Variants in VAV2 observed in about 807,000 individuals in gnomAD.
VAV2 encodes the protein vav guanine nucleotide exchange factor 2, also known as guanine nucleotide exchange factor VAV2.
In VAV2, 67 loss-of-function variants were observed where a neutral mutation model predicts 132.5. The observed-to-expected ratio is 0.51, with a 90% confidence interval of 0.42 to 0.62. The LOEUF (loss-of-function observed/expected upper bound fraction) is 0.62. Among genes scored for constraint, VAV2 ranks in the 20% least tolerant of loss-of-function variants. The probability of loss-of-function intolerance (pLI) is 0.00; values close to 1 mark genes in which losing one functional copy is unlikely to be tolerated. For synonymous variants in VAV2, 492 were observed against 443.5 expected, an observed-to-expected ratio of 1.11 and a Z score of -1.37; for missense variants, 938 against 1,153.6, an observed-to-expected ratio of 0.81 and a Z score of 2.71.
intron 2 of VAV2, among the ~76,000 whole-genome samples, chr9:133,923,115 G>A (rs1840353870): frequency 6.6e-6 from 1 of 152,124 alleles, no homozygotes; most frequent in South Asian, 2.1e-4. Context: ...CTAATCATTC[G>A]GGGATACAAA....
At chr9:133,791,679 G>A in intron 13 of VAV2, 104 bp downstream of exon 13, 1 of 983,546 alleles carries the variant, frequency 1.0e-6, no homozygotes, top group Non-Finnish European at 1.6e-6. Context: ...AGGCAGCCAT[G>A]GTGTGGCTGC....
chr9:133,815,121 T>A (rs545054990), intron 4 of VAV2, among the ~76,000 whole-genome samples: 3 of 152,082 alleles, frequency 2.0e-5, no homozygotes, highest in South Asian at 4.2e-4. Flanking sequence ...CCTGAACAGA[T>A]GAGACTCGAA....
intron 2 of VAV2, among the ~76,000 whole-genome samples, chr9:133,887,264 T>C (rs1838749200): frequency 6.6e-6 from 1 of 151,960 alleles, no homozygotes; most frequent in East Asian, 1.9e-4. Flanking sequence ...AGGATGGGGG[T>C]GGGGGAAGGG....
chr9:133,900,321 A>G (rs2132009176), intron 2 of VAV2, among the ~76,000 whole-genome samples: 1 of 152,208 alleles, frequency 6.6e-6, no homozygotes, highest in East Asian at 1.9e-4. Context: ...AAACACTCCA[A>G]CATGAAGGCC....
In VAV2 at chr9:133,783,483, G is replaced by A. The variant is rs1000443194; in HGVS notation, c.1723+20C>T. The A allele has an allele frequency of 4.6e-6, 7 of 1,523,196 alleles. No homozygotes were observed. The highest frequency in any genetic ancestry group is 1.5e-5 in the African/African-American group (1 of 66,074). The allele number at this position is 1,523,196 out of a possible 1,614,324, so 94.4% of individuals were successfully genotyped here. ...AGGCGTGGCCAGGGACTGGGGTGGG[G>A]GGGTGAGGGGGGTACTCACTGAACT... On this transcript the variant is annotated intron_variant, in intron 19 of 29. Transcript: ENST00000371850.
At chr9:133,856,808 C>T (rs2131854450) in intron 3 of VAV2, among the ~76,000 whole-genome samples, 1 of 152,324 alleles carries the variant, frequency 6.6e-6, no homozygotes, top group East Asian at 1.9e-4. Flanking sequence ...ACTCTGCCGT[C>T]ACATCTCCTT....
chr9:133,984,531 T>C (rs911307210), intron 1 of VAV2, among the ~76,000 whole-genome samples: 3 of 152,158 alleles, frequency 2.0e-5, no homozygotes, highest in Non-Finnish European at 4.4e-5. Context: ...AAGGATCCCT[T>C]GAGCCCAGGA....
At chr9:133,805,799 GC>G in intron 9 of VAV2, among the ~76,000 whole-genome samples, 1 of 152,326 alleles carries the variant, frequency 6.6e-6, no homozygotes, top group South Asian at 2.1e-4. Flanking sequence ...GGACAGCCGA[GC>G]CACTTGGATG....
rs188216558 is a variant in VAV2 at position 133,890,861 on chromosome 9, G to A, written c.322-29429C>T. 1.4e-3 allele frequency among the ~76,000 whole-genome samples: 220 copies of A among 152,208 alleles called. 1 individual carries two copies. The highest frequency in any genetic ancestry group is 4.8e-3 in the South Asian group (23 of 4,814). Reference sequence around the variant, plus strand: ...GCCTGAGCTGCTTGTGGGGACTATGGCACTGCCTGGGATGTGGGCACTACG... The same window carrying A: ...GCCTGAGCTGCTTGTGGGGACTATGACACTGCCTGGGATGTGGGCACTACG... On this transcript the variant is annotated intron_variant, in intron 2 of 29. Transcript: ENST00000371850.
At position 133,770,402 on chromosome 9, in the gene VAV2, A is replaced by T. The variant is rs781681211; in HGVS notation, c.2323T>A (p.Ser775Thr). The T allele has an allele frequency of 6.2e-7, 1 of 1,614,048 alleles. No individual in the cohort carries two copies. The highest frequency in any genetic ancestry group is 1.7e-5 in the Admixed American group (1 of 60,012). Residue 775 changes from serine to threonine, a missense_variant, in exon 27 of 30, where the codon TCC becomes ACC. Transcript: ENST00000371850. ...CCTGGGGACCGGCTGGAGGCCCTGG[A>T]GGCCGAACGTTCCCGGGACTTGTAG... Reference protein sequence around the residue: ...YPYKSRERSASRASSRSPASC... With the variant: ...YPYKSRERSATRASSRSPASC...
intron 1 of VAV2, among the ~76,000 whole-genome samples, chr9:133,954,465 C>T (rs191607675): frequency 1.3e-5 from 2 of 152,380 alleles, no homozygotes; most frequent in Admixed American, 1.3e-4. Context: ...GTACTCAGTG[C>T]CGCAGCAGCA....
chr9:133,803,059 C>T (rs2131656755), intron 9 of VAV2, among the ~76,000 whole-genome samples: 2 of 152,284 alleles, frequency 1.3e-5, no homozygotes, highest in South Asian at 4.2e-4. Flanking sequence ...GCAGGCCGTA[C>T]CCTGGAACCA....
intron 2 of VAV2, among the ~76,000 whole-genome samples, chr9:133,872,530 G>A (rs1838098132): frequency 7.0e-6 from 1 of 143,820 alleles, no homozygotes; most frequent in African/African-American, 2.8e-5. Context: ...CGGGGTCCTA[G>A]GCCCAGTTCC....
rs1320982091 is a variant in VAV2, at chr9:133,823,611, G to C, written c.449+10661C>G. On this transcript the variant is annotated intron_variant, in intron 4 of 29. Coordinates refer to ENST00000371850, the MANE Select transcript of VAV2 (RefSeq NM_001134398.2). The surrounding 1 kb of genome is among the most constrained non-coding windows in gnomAD (Gnocchi z 5.5). ...ACAGCACGAGGAGGGCGATTTAGAG[G>C]GGGAGGGACCTTCATCAGACACAGC... Among the ~76,000 whole-genome samples, 1 of 152,152 alleles carries C rather than the reference G, an allele frequency of 6.6e-6. No individual in the cohort carries two copies. Among genetic ancestry groups the C allele is most frequent in the Admixed American group, 6.5e-5 (1 of 15,270 alleles).
At chr9:133,812,038 T>G in intron 5 of VAV2, 76 bp downstream of exon 5, 1 of 1,450,320 alleles carries the variant, frequency 6.9e-7, no homozygotes, top group Non-Finnish European at 9.7e-7. Flanking sequence ...GACAGCTCGG[T>G]ATTGTGTTAA....
chr9:133,858,408 G>A (rs918380055), intron 3 of VAV2, among the ~76,000 whole-genome samples: 1 of 152,202 alleles, frequency 6.6e-6, no homozygotes, highest in Admixed American at 6.5e-5. Context: ...ATTGCTGGGA[G>A]AACTGAGCAC....
chr9:133,866,190 CTCTT>C (rs1837793807), intron 2 of VAV2, among the ~76,000 whole-genome samples: 1 of 152,356 alleles, frequency 6.6e-6, no homozygotes, highest in African/African-American at 2.4e-5. Flanking sequence ...GGCCTGGCTC[CTCTT>C]TCTGTCTTTG....
Position 133,823,463 on chromosome 9 carries a change from T to C in VAV2, c.449+10809A>G, listed in dbSNP as rs1835869873. 6.6e-6 allele frequency among the ~76,000 whole-genome samples: 1 copy of C among 152,224 alleles called. No homozygotes were observed. Among genetic ancestry groups the C allele is most frequent in the Non-Finnish European group, 1.5e-5 (1 of 68,040 alleles). ...GGGACTTCTACAATAAAACCCAGCA[T>C]GTGACGCTTGTTCATTTTAGAGCAA... On this transcript the variant is annotated intron_variant, in intron 4 of 29. Coordinates refer to ENST00000371850, the MANE Select transcript of VAV2 (RefSeq NM_001134398.2). This position sits in a 1 kb window ranked among gnomAD's most constrained non-coding sequence, Gnocchi z 5.5.
intron 1 of VAV2, among the ~76,000 whole-genome samples, chr9:133,944,925 C>T (rs1841306631): frequency 6.6e-6 from 1 of 152,176 alleles, no homozygotes; most frequent in African/African-American, 2.4e-5. Context: ...CACAGAGCTC[C>T]AGGCCCTTCC....
Sources: gnomAD v4.1 joint callset for allele counts (sites outside exome capture counted in the v4.1 genomes callset) on GRCh38, gnomAD v4.1.1 for gene constraint, Gnocchi (gnomAD v3.1) non-coding constraint, MANE v1.5 for transcripts, NCBI Gene and HGNC (gene_info 2026-07-23, HGNC 2026-07-21) for gene names.